Variants in CDK12 observed in about 807,000 individuals in gnomAD.
CDK12 encodes the protein cyclin-dependent kinase 12.
CDK12 carries 17 observed loss-of-function variants against 133.8 expected under a neutral mutation model. That is an observed-to-expected ratio of 0.13 (90% CI 0.09 to 0.19). The LOEUF (loss-of-function observed/expected upper bound fraction) is 0.19. CDK12 is among the 10% of genes least tolerant of loss of function. The probability of loss-of-function intolerance (pLI) is 1.00; values close to 1 mark genes in which losing one functional copy is unlikely to be tolerated. For synonymous variants in CDK12, 694 were observed against 683.6 expected, an observed-to-expected ratio of 1.02 and a Z score of -0.24; for missense variants, 1,508 against 1,818.7, an observed-to-expected ratio of 0.83 and a Z score of 3.11.
In CDK12 at chr17:39,526,038, C is replaced by T. The variant is rs760667462; in HGVS notation, c.3482C>T (p.Thr1161Met). 7.4e-6 allele frequency: 12 copies of T among 1,614,056 alleles called. No individual in the cohort carries two copies. In the Admixed American group the frequency reaches 8.3e-5, roughly 11 times the overall value. ...EALNQSISAL[T>M]EATSQQQDSE... ...CTGAACCAATCCATCAGTGCCCTGA[C>T]GGAAGCTACTTCCCAGCAGCAGGAC... The change falls in exon 13 of 14, where the codon ACG (threonine) becomes ATG (methionine). Residue 1161 changes from threonine to methionine, a missense_variant. Physicochemically the swap from Thr to Met is moderately conservative, Grantham distance 81. Around this residue, in one of 9 missense-constraint regions of CDK12, gnomAD observed 399 missense variants for 469.6 expected, o/e 0.85. Coordinates refer to ENST00000447079, the MANE Select transcript of CDK12 (RefSeq NM_016507.4).
upstream of CDK12, among the ~76,000 whole-genome samples, chr17:39,545,467 C>T (rs191728691): frequency 9.0e-4 from 133 of 147,614 alleles, no homozygotes; most frequent in African/African-American, 3.1e-3. Context: ...GGATTATAGA[C>T]GTGAGCCACT....
chr17:39,552,639 A>G (rs1597703579), intron 2 of CDK12, among the ~76,000 whole-genome samples: 1 of 152,174 alleles, frequency 6.6e-6, no homozygotes, highest in South Asian at 2.1e-4. Context: ...CCCTAAAAGC[A>G]TTCAGTCTAT....
chr17:39,534,958 A>G (rs1598205382), downstream of CDK12: 2 of 152,190 alleles, frequency 1.3e-5, no homozygotes, highest in South Asian at 4.1e-4. Flanking sequence ...TTCACCACCC[A>G]CCCTACCTCA....
chr17:39,520,933 TG>T (rs2054126441), intron 11 of CDK12, among the ~76,000 whole-genome samples: 1 of 152,024 alleles, frequency 6.6e-6, no homozygotes, highest in East Asian at 1.9e-4. Flanking sequence ...CCGCAACCTC[TG>T]CTTCCCAGGT....
intron 3 of CDK12, 46 bp from the exon 4 acceptor site, chr17:39,492,705 G>A (rs375825694): frequency 3.0e-5 from 47 of 1,543,388 alleles, no homozygotes; most frequent in Middle Eastern, 3.4e-4. Context: ...CACCGCGCCC[G>A]GCCTTCATTT....
chr17:39,493,687 T>G (rs944651940), intron 4 of CDK12, among the ~76,000 whole-genome samples: 1 of 152,040 alleles, frequency 6.6e-6, no homozygotes, highest in African/African-American at 2.4e-5. Context: ...TCCAAAAGAA[T>G]ACTATAATTA....
At chr17:39,463,162 C>A (rs758668021) in intron 1 of CDK12, 45 bp downstream of exon 1, 1 of 1,535,938 alleles carries the variant, frequency 6.5e-7, no homozygotes, top group Non-Finnish European at 8.9e-7. Flanking sequence ...GGGTGGGTTG[C>A]GAGGAATTGG....
At chr17:39,560,481 T>C (rs956765902) in intron 3 of CDK12, among the ~76,000 whole-genome samples, 10 of 152,224 alleles carry the variant, frequency 6.6e-5, no homozygotes. Flanking sequence ...AAATTGAGGC[T>C]CATGTTAAAT....
chr17:39,523,527 A>AT, intron 11 of CDK12, among the ~76,000 whole-genome samples: 1 of 152,218 alleles, frequency 6.6e-6, no homozygotes, highest in Non-Finnish European at 1.5e-5. Context: ...CAGTGACAGT[A>AT]TTATAGCTTT....
chr17:39,523,256 C>A (rs2054291583), intron 11 of CDK12, among the ~76,000 whole-genome samples: 1 of 152,012 alleles, frequency 6.6e-6, no homozygotes. Context: ...GGCAGATCAC[C>A]TGAGGTCATG....
chr17:39,462,758 C>T lies in CDK12; in HGVS notation c.687C>T (p.Asp229=), dbSNP rs1224620385. The T allele has an allele frequency of 2.5e-6, 4 of 1,614,096 alleles. No homozygotes were observed. The highest frequency in any genetic ancestry group is 1.3e-5 in the African/African-American group (1 of 74,936). Reference sequence around the variant, plus strand: ...GGAGCCCCCACAGGAAGTGGTCTGACAGCTCCAAACAAGATGATAGCCCCT... The same window carrying T: ...GGAGCCCCCACAGGAAGTGGTCTGATAGCTCCAAACAAGATGATAGCCCCT... ...RSRSPHRKWS[D]SSKQDDSPSG... Residue 229 remains aspartate, a synonymous_variant, in exon 1 of 14, where the codon GAC becomes GAT. Coordinates refer to ENST00000447079, the MANE Select transcript of CDK12 (RefSeq NM_016507.4).
intron 3 of CDK12, among the ~76,000 whole-genome samples, chr17:39,558,665 C>A (rs773441269): frequency 2.0e-5 from 3 of 152,020 alleles, no homozygotes; most frequent in Admixed American, 6.6e-5. Context: ...CTTTTTGAGA[C>A]GGAGTTTTGC....
rs1304166667 is a variant in CDK12 at position 39,533,109 on chromosome 17, C to T, written c.*1793C>T. 4.3e-6 allele frequency: 1 copy of T among 231,506 alleles called. No homozygotes were observed. The highest frequency in any genetic ancestry group is 2.2e-5 in the African/African-American group (1 of 45,170). 14.3% of individuals were successfully genotyped at this position (231,506 alleles called of 1,614,324 possible). A position where few individuals can be genotyped will look rare whatever the true frequency, so the allele number is the denominator to read the frequency against. On this transcript the variant is annotated 3_prime_UTR_variant, in exon 14 of 14. Transcript: ENST00000447079. Reference sequence around the variant, plus strand: ...AAACTTTAAAGAAATGAAAGAAGAACCCTCTTCAGATACTTACTTGAAGAC... The same window carrying T: ...AAACTTTAAAGAAATGAAAGAAGAATCCTCTTCAGATACTTACTTGAAGAC...
intron 13 of CDK12, among the ~76,000 whole-genome samples, chr17:39,529,443 CTATATA>C (rs1035048064): frequency 6.6e-6 from 1 of 152,030 alleles, no homozygotes; most frequent in Admixed American, 6.5e-5. Flanking sequence ...TGAAGAATGA[CTATATA>C]TATATTTTAA....
chr17:39,548,453 C>A (rs2055816141), upstream of CDK12, among the ~76,000 whole-genome samples: 1 of 152,204 alleles, frequency 6.6e-6, no homozygotes, highest in Admixed American at 6.5e-5. Context: ...CACTTTCCGA[C>A]CCAGATGGTG....
chr17:39,561,604 G>A (rs2056376472), intron 3 of CDK12, among the ~76,000 whole-genome samples: 2 of 152,228 alleles, frequency 1.3e-5, no homozygotes, highest in African/African-American at 4.8e-5. Context: ...TGAATGCAGA[G>A]ATGCCAATTT....
intron 3 of CDK12, among the ~76,000 whole-genome samples, 182 bp from the exon 4 acceptor site, chr17:39,492,569 G>T (rs528586320): frequency 6.7e-6 from 1 of 149,428 alleles, no homozygotes; most frequent in East Asian, 2.0e-4. Flanking sequence ...TACCACGCCT[G>T]GCTAATTTTT....
chr17:39,519,095 GTT>G (rs2053999311), intron 10 of CDK12, among the ~76,000 whole-genome samples: 1 of 144,840 alleles, frequency 6.9e-6, no homozygotes, highest in Non-Finnish European at 1.5e-5. Flanking sequence ...TAGAAACGGG[GTT>G]TCACCATGTT....
At chr17:39,530,462 A>G in intron 13 of CDK12, 142 bp from the exon 14 acceptor site, 1 of 1,242,208 alleles carries the variant, frequency 8.1e-7, no homozygotes, top group Non-Finnish European at 1.1e-6. Context: ...TTATAATTGC[A>G]ATTTTCTGAT....
Sources: allele counts gnomAD v4.1 joint callset (sites outside exome capture counted in the v4.1 genomes callset), GRCh38; gene constraint gnomAD v4.1.1; regional missense constraint gnomAD v4.1.1; transcripts MANE v1.5; gene names NCBI Gene and HGNC (gene_info 2026-07-23, HGNC 2026-07-21).